Variants in RPS5 observed in about 807,000 individuals in gnomAD.
RPS5 encodes ribosomal protein S5.
A neutral mutation model predicts 20.9 loss-of-function variants in RPS5; 2 were observed. That is an observed-to-expected ratio of 0.10 (90% CI 0.04 to 0.30). The LOEUF is 0.30. Ranked by LOEUF, RPS5 falls within the 10% of genes least tolerant of loss-of-function variation. The pLI is 1.00. For synonymous variants in RPS5, 112 were observed against 105.8 expected (o/e 1.06, Z -0.36); for missense variants, 122 against 287.2 (o/e 0.42, Z 4.16).
At position 58,393,099 on chromosome 19, in the gene RPS5, A is replaced by G; in HGVS notation, c.232A>G (p.Met78Val). The G allele has an allele frequency of 1.2e-6, 2 of 1,614,224 alleles. No individual in the cohort carries two copies. Among genetic ancestry groups the G allele is most frequent in the Non-Finnish European group, 1.7e-6 (2 of 1,180,044 alleles). Residue 78 changes from methionine to valine, a missense_variant, in exon 3 of 6, where the codon ATG (methionine) becomes GTG (valine). Around this residue, in one of 6 missense-constraint regions of RPS5, gnomAD observed 49 missense variants for 64.9 expected, o/e 0.75. Transcript: ENST00000196551. ...IVERLTNSMM[M>V]HGRNNGKKLM... ...GGAGCGCCTCACTAACTCCATGATG[A>G]TGCACGGCCGCAACAACGGCAAGAA...
chr19:58,393,737 CT>C (rs927614331), intron 4 of RPS5: 14,135 of 366,198 alleles, frequency 0.039, 12 homozygotes, highest in East Asian at 0.07. Flanking sequence ...TGTATATGTA[CT>C]TTTTTTTTTT....
At chr19:58,390,110 G>T (rs1309810702) in intron 2 of RPS5, among the ~76,000 whole-genome samples, 1 of 151,938 alleles carries the variant, frequency 6.6e-6, no homozygotes, top group Non-Finnish European at 1.5e-5. Context: ...GGTCAGGCTG[G>T]TCTCTTAACT....
intron 4 of RPS5, 59 bp from the exon 5 acceptor site, chr19:58,394,438 C>T (rs2052383929): frequency 6.8e-7 from 1 of 1,476,074 alleles, no homozygotes; most frequent in South Asian, 1.1e-5. Flanking sequence ...TGGGAGTGGC[C>T]CCAGGGTGCT....
chr19:58,389,146 T>C lies in RPS5; in HGVS notation c.108+901T>C, dbSNP rs144743123. ...AGAATTTTGTGGGCCTTAAGAACTT[T>C]AGCTTTTGTGAGCCCTTCCTCCATT... On this transcript the variant is annotated intron_variant, in intron 2 of 5. Coordinates refer to ENST00000196551, the MANE Select transcript of RPS5 (RefSeq NM_001009.4). 5.9e-5 allele frequency among the ~76,000 whole-genome samples: 9 copies of C among 152,342 alleles called. No homozygotes were observed. In the East Asian group the frequency reaches 1.7e-3, roughly 29 times the overall value.
At chr19:58,389,750 C>A (rs1043746638) in intron 2 of RPS5, among the ~76,000 whole-genome samples, 1 of 152,044 alleles carries the variant, frequency 6.6e-6, no homozygotes, top group Non-Finnish European at 1.5e-5. Context: ...AATGCTCCCG[C>A]CTCAGCCTCC....
intron 2 of RPS5, 199 bp downstream of exon 2, chr19:58,388,444 A>G: frequency 3.5e-6 from 2 of 575,244 alleles, no homozygotes; most frequent in Non-Finnish European, 6.2e-6. Flanking sequence ...TCATGAGAGG[A>G]CTCCTTCACC....
At chr19:58,388,299 G>T in intron 2 of RPS5, 54 bp downstream of exon 2, 1 of 1,237,078 alleles carries the variant, frequency 8.1e-7, no homozygotes, top group Non-Finnish European at 1.2e-6. Context: ...ATTATTCCAG[G>T]AAGGCACACA....
In RPS5 at chr19:58,394,754, T is replaced by C. The variant is rs1324899782; in HGVS notation, c.*4T>C. Reference sequence around the variant, plus strand: ...TGTGGCCAAGTCCAACCGCTGATTTTCCCAGCTGCTGCCCAATAAACCTGT... The same window carrying C: ...TGTGGCCAAGTCCAACCGCTGATTTCCCCAGCTGCTGCCCAATAAACCTGT... On this transcript the variant is annotated 3_prime_UTR_variant, in exon 6 of 6. Coordinates refer to ENST00000196551, the MANE Select transcript of RPS5 (RefSeq NM_001009.4). The C allele has an allele frequency of 6.2e-7, 1 of 1,613,824 alleles. No individual in the cohort carries two copies. Among genetic ancestry groups the C allele is most frequent in the Non-Finnish European group, 8.5e-7 (1 of 1,179,978 alleles).
intron 2 of RPS5, among the ~76,000 whole-genome samples, chr19:58,391,938 C>A (rs1315272899): frequency 6.6e-6 from 1 of 151,816 alleles, no homozygotes; most frequent in South Asian, 2.1e-4. Context: ...AACAAAAAAC[C>A]AAAAAACTGT....
At chr19:58,392,335 A>G (rs1038820735) in intron 2 of RPS5, among the ~76,000 whole-genome samples, 5 of 151,328 alleles carry the variant, frequency 3.3e-5, no homozygotes, top group Non-Finnish European at 7.4e-5. Flanking sequence ...GGGGGGAAAA[A>G]AAAAACTAGG....
chr19:58,392,323 A>AGT (rs1568574233), intron 2 of RPS5, among the ~76,000 whole-genome samples: 1 of 149,886 alleles, frequency 6.7e-6, no homozygotes, highest in African/African-American at 2.4e-5. Context: ...CTCAGCCTCA[A>AGT]GGGGGGGAAA....
At chr19:58,387,807 A>C in intron 1 of RPS5, 1 of 319,244 alleles carries the variant, frequency 3.1e-6, no homozygotes, top group Non-Finnish European at 6.0e-6. Flanking sequence ...GACCATGTAA[A>C]TCGCGAGATT....
At chr19:58,387,802 T>G in intron 1 of RPS5, 1 of 315,102 alleles carries the variant, frequency 3.2e-6, no homozygotes. Context: ...TCAAAGACCA[T>G]GTAAATCGCG....
At chr19:58,392,640 G>A (rs901645287) in intron 2 of RPS5, among the ~76,000 whole-genome samples, 1 of 151,880 alleles carries the variant, frequency 6.6e-6, no homozygotes, top group Non-Finnish European at 1.5e-5. Context: ...AACTGAAGGG[G>A]TTGCCAGTGG....
chr19:58,389,547 T>C (rs2052349893), intron 2 of RPS5, among the ~76,000 whole-genome samples: 2 of 152,390 alleles, frequency 1.3e-5, no homozygotes, highest in East Asian at 3.9e-4. Flanking sequence ...CTGAATATCT[T>C]GTAGATCTTG....
intron 2 of RPS5, among the ~76,000 whole-genome samples, chr19:58,392,185 TTGG>T (rs1486789517): frequency 1.3e-5 from 2 of 151,494 alleles, no homozygotes; most frequent in East Asian, 3.9e-4. Context: ...TTAGCTGGGC[TTGG>T]TGGCGCGTGC....
chr19:58,388,284 C>G, intron 2 of RPS5, 39 bp downstream of exon 2: 1 of 1,396,754 alleles, frequency 7.2e-7, no homozygotes. Flanking sequence ...TGGCTGGGGG[C>G]GGACATTATT....
chr19:58,390,504 C>T (rs10411385), intron 2 of RPS5, among the ~76,000 whole-genome samples: 14,266 of 133,114 alleles, frequency 0.11, 2,465 homozygotes, highest in African/African-American at 0.37. Context: ...GGCACGATCT[C>T]GGCTCACTGC....
chr19:58,392,853 C>G (rs1181800132), intron 2 of RPS5, 123 bp from the exon 3 acceptor site: 29 of 856,098 alleles, frequency 3.4e-5, no homozygotes, highest in Non-Finnish European at 5.2e-5. Context: ...TTGAGGCATA[C>G]CAGGATCCCA....
Sources: allele counts gnomAD v4.1 joint callset (sites outside exome capture counted in the v4.1 genomes callset), GRCh38; gene constraint gnomAD v4.1.1; regional missense constraint gnomAD v4.1.1; transcripts MANE v1.5; gene names NCBI Gene and HGNC (gene_info 2026-07-23, HGNC 2026-07-21).